FNBP1: variants seen among roughly 807,000 people sequenced by gnomAD.
FNBP1 encodes formin-binding protein 1.
Under a neutral mutation model 90.6 loss-of-function variants are expected in FNBP1, and 26 were observed. The observed-to-expected ratio is 0.29, with a 90% confidence interval of 0.21 to 0.40. The LOEUF (loss-of-function observed/expected upper bound fraction) is 0.40. Ranked by LOEUF, FNBP1 falls within the 10% of genes least tolerant of loss-of-function variation. FNBP1 has a pLI of 1.00. For synonymous variants in FNBP1, 260 were observed against 265.2 expected, an observed-to-expected ratio of 0.98 and a Z score of 0.19; for missense variants, 635 against 768.0, an observed-to-expected ratio of 0.83 and a Z score of 2.05.
In FNBP1 at chr9:129,923,578, G is replaced by GA. The variant is rs758088455; in HGVS notation, c.1170+265dup. The stretch of plus-strand genomic sequence containing the variant: ...TGGTGACAGAGCGAGACTCTGTCTG[G>GA]AAAAAAAAAAAAAAGAAAGAAACAA... On this transcript the variant is annotated intron_variant, in intron 10 of 16. Transcript: ENST00000446176. Among the ~76,000 whole-genome samples, 1,165 of 135,622 alleles carry GA rather than the reference G, an allele frequency of 8.6e-3. 13 individuals are homozygous for GA. Among genetic ancestry groups the GA allele is most frequent in the African/African-American group, 0.024 (897 of 37,180 alleles). 89.0% of individuals were successfully genotyped at this position (135,622 alleles called of 152,430 possible). A position where few individuals can be genotyped will look rare whatever the true frequency, so the allele number is the denominator to read the frequency against.
intron 10 of FNBP1, among the ~76,000 whole-genome samples, chr9:129,923,439 C>T (rs140392615): frequency 0.013 from 1,939 of 151,838 alleles, 18 homozygotes; most frequent in Middle Eastern, 0.024. Context: ...AGTAGCTGGG[C>T]GTGGTGGCAT....
chr9:130,016,850 C>G (rs183655232), intron 1 of FNBP1, among the ~76,000 whole-genome samples: 1 of 152,134 alleles, frequency 6.6e-6, no homozygotes, highest in Non-Finnish European at 1.5e-5. Context: ...TGTTCACATA[C>G]GTAGTTTATT....
intron 1 of FNBP1, among the ~76,000 whole-genome samples, chr9:130,019,886 C>A (rs1360177883): frequency 6.6e-6 from 1 of 151,772 alleles, no homozygotes; most frequent in Non-Finnish European, 1.5e-5. Context: ...TATGCAAACA[C>A]TGGGCTATTT....
chr9:129,901,768 C>T (rs1299439622), intron 13 of FNBP1, among the ~76,000 whole-genome samples: 6 of 151,274 alleles, frequency 4.0e-5, no homozygotes, highest in East Asian at 3.9e-4. Flanking sequence ...AAAAAGTAGC[C>T]GGGTGTGGTG....
intron 1 of FNBP1, among the ~76,000 whole-genome samples, chr9:130,040,276 T>A (rs980944827): frequency 6.6e-6 from 1 of 152,246 alleles, no homozygotes; most frequent in Non-Finnish European, 1.5e-5. Flanking sequence ...TTCCTTTTCC[T>A]ATATTAAACT....
intron 2 of FNBP1, among the ~76,000 whole-genome samples, chr9:129,983,760 G>A (rs956832800): frequency 2.0e-5 from 3 of 152,056 alleles, no homozygotes; most frequent in Non-Finnish European, 4.4e-5. Flanking sequence ...GCAGTGAGCC[G>A]AGATCATGCC....
At chr9:129,960,398 A>AAAAAAGAAAAAG (rs1226735948) in intron 4 of FNBP1, among the ~76,000 whole-genome samples, 2 of 132,088 alleles carry the variant, frequency 1.5e-5, no homozygotes, top group Non-Finnish European at 3.4e-5. Flanking sequence ...AAAAAAAAAA[A>AAAAAAGAAAAAG]AAAAAGAAAA....
intron 1 of FNBP1, among the ~76,000 whole-genome samples, chr9:130,017,557 C>T (rs1002988772): frequency 6.6e-6 from 1 of 152,038 alleles, no homozygotes; most frequent in Admixed American, 6.6e-5. Flanking sequence ...AGGCTGGGTG[C>T]GGTAGCTCAC....
In FNBP1 at chr9:129,900,433, G is replaced by A. The variant is rs1377393553; in HGVS notation, c.1543C>T (p.Arg515Cys). The A allele has an allele frequency of 1.9e-6, 3 of 1,588,346 alleles. No homozygotes were observed. The highest frequency in any genetic ancestry group is 1.1e-5 in the South Asian group (1 of 87,468). ...PPTVNNCAQD[R>C]ESPDGSYTEE... ...GCTGTGCAGATACTGTACCTCTCAC[G>A]GTCCTGGGCGCAGTTGTTGACTGTG... The change falls in exon 14 of 17, where the codon CGT becomes TGT. Residue 515 changes from arginine to cysteine, a missense_variant. Physicochemically the swap from Arg to Cys is radical, Grantham distance 180. Transcript: ENST00000446176. This position sits in a 1 kb window ranked among gnomAD's most constrained non-coding sequence, Gnocchi z 4.1.
chr9:129,901,278 C>T (rs936987526), intron 13 of FNBP1, among the ~76,000 whole-genome samples: 1 of 151,592 alleles, frequency 6.6e-6, no homozygotes, highest in Non-Finnish European at 1.5e-5. Flanking sequence ...TGGTGGTGAG[C>T]GCCTGTAATC....
At chr9:130,013,988 T>TTCTG (rs1165507023) in intron 1 of FNBP1, 26 of 456,174 alleles carry the variant, frequency 5.7e-5, no homozygotes, top group Admixed American at 3.8e-4. Flanking sequence ...GGTTGTGGTA[T>TTCTG]TCTGCTATAG....
chr9:129,914,305 T>A (rs1273442550), intron 11 of FNBP1, among the ~76,000 whole-genome samples: 1 of 152,018 alleles, frequency 6.6e-6, no homozygotes, highest in East Asian at 1.9e-4. Context: ...TCCAAAGCAC[T>A]GGGATTCCAG....
intron 1 of FNBP1, among the ~76,000 whole-genome samples, chr9:130,023,650 T>G (rs1016110798): frequency 6.6e-6 from 1 of 152,082 alleles, no homozygotes; most frequent in Admixed American, 6.6e-5. Context: ...CTTGTTGGGT[T>G]TCTGCTCAGA....
intron 6 of FNBP1, 149 bp from the exon 7 acceptor site, chr9:129,929,844 A>G: frequency 2.9e-6 from 2 of 688,210 alleles, no homozygotes; most frequent in Non-Finnish European, 4.9e-6. Context: ...AATGTTCTGA[A>G]TTGAATTGAC....
chr9:130,031,144 C>G lies in FNBP1; in HGVS notation c.24+11808G>C, dbSNP rs2058766898. Among the ~76,000 whole-genome samples the G allele has an allele frequency of 6.6e-6, 1 of 152,170 alleles. No homozygotes were observed. The highest frequency in any genetic ancestry group is 1.5e-5 in the Non-Finnish European group (1 of 68,028). On this transcript the variant is annotated intron_variant, in intron 1 of 16. Transcript: ENST00000446176. This position sits in a 1 kb window ranked among gnomAD's most constrained non-coding sequence, Gnocchi z 4.2. ...AAGGCTCCCCAGCAATCCATTTTAG[C>G]CTTATTCCACCCACATATAAACAGG...
Position 129,888,985 on chromosome 9 carries a change from C to T in FNBP1, c.*1554G>A, listed in dbSNP as rs576228523. 3 of 176,864 alleles carry T rather than the reference C, an allele frequency of 1.7e-5. No homozygotes were observed. The highest frequency in any genetic ancestry group is 2.4e-5 in the African/African-American group (1 of 41,892). 11.0% of individuals were successfully genotyped at this position (176,864 alleles called of 1,614,324 possible). A position where few individuals can be genotyped will look rare whatever the true frequency, so the allele number is the denominator to read the frequency against. On this transcript the variant is annotated 3_prime_UTR_variant, in exon 17 of 17. Transcript: ENST00000446176. Reference sequence around the variant, plus strand: ...CTGCCCGACGTCATCCCCAGGCTTCCGTGGCGCTCTCGGTCACAGGAGCTC... The same window carrying T: ...CTGCCCGACGTCATCCCCAGGCTTCTGTGGCGCTCTCGGTCACAGGAGCTC...
the FNBP1 span, chr9:130,053,709 C>T: frequency 1.7e-6 from 1 of 573,190 alleles, no homozygotes; most frequent in South Asian, 2.0e-5. Flanking sequence ...AATAGGTTGG[C>T]TTCATCTCTA....
chr9:129,891,430 A>C (rs2035094856), intron 16 of FNBP1, among the ~76,000 whole-genome samples: 1 of 152,194 alleles, frequency 6.6e-6, no homozygotes, highest in South Asian at 2.1e-4. Flanking sequence ...ACACCACTGC[A>C]CTTCAGCTTG....
chr9:129,991,506 C>G (rs1001337314), intron 2 of FNBP1, among the ~76,000 whole-genome samples: 3 of 151,924 alleles, frequency 2.0e-5, no homozygotes, highest in Admixed American at 1.3e-4. Context: ...CTCCTGGGCT[C>G]AAGTACCCAC....
Sources: gnomAD v4.1 joint callset for allele counts (sites outside exome capture counted in the v4.1 genomes callset) on GRCh38, gnomAD v4.1.1 for gene constraint, Gnocchi (gnomAD v3.1) non-coding constraint, MANE v1.5 for transcripts, NCBI Gene and HGNC (gene_info 2026-07-23, HGNC 2026-07-21) for gene names.